GAB2: variants seen among roughly 807,000 people sequenced by gnomAD.
GAB2 encodes GRB2-associated-binding protein 2.
GAB2 carries 26 observed loss-of-function variants against 65.5 expected under a neutral mutation model. The observed-to-expected ratio is 0.40, with a 90% CI of 0.29 to 0.55. GAB2 has a LOEUF of 0.55. GAB2 is among the 20% of genes least tolerant of loss of function. The pLI is 0.53. For missense variants in GAB2, 884 were observed against 875.8 expected (o/e 1.01, Z -0.12); for synonymous variants, 321 against 329.6 (o/e 0.97, Z 0.28).
chr11:78,353,937 T>C (rs1856318695), intron 1 of GAB2, among the ~76,000 whole-genome samples: 1 of 152,250 alleles, frequency 6.6e-6, no homozygotes, highest in African/African-American at 2.4e-5. Context: ...GAAAGCTTGG[T>C]AAAACACAGA....
intron 1 of GAB2, among the ~76,000 whole-genome samples, chr11:78,297,417 A>G (rs958994785): frequency 6.6e-6 from 1 of 152,072 alleles, no homozygotes; most frequent in Non-Finnish European, 1.5e-5. Flanking sequence ...TTTTTTGGGG[A>G]AAAAAGTACA....
intron 3 of GAB2, among the ~76,000 whole-genome samples, chr11:78,245,920 T>C (rs865781315): frequency 2.6e-5 from 4 of 152,086 alleles, no homozygotes; most frequent in African/African-American, 9.6e-5. Context: ...ACTCCTTGGT[T>C]GGCAGAGGGT....
chr11:78,313,439 T>C (rs1855540384), intron 1 of GAB2, among the ~76,000 whole-genome samples: 1 of 152,210 alleles, frequency 6.6e-6, no homozygotes, highest in Non-Finnish European at 1.5e-5. Flanking sequence ...AACTGCAAGG[T>C]GCTTGATGCT....
intron 1 of GAB2, among the ~76,000 whole-genome samples, chr11:78,393,443 A>C (rs1856858639): frequency 6.6e-6 from 1 of 152,230 alleles, no homozygotes; most frequent in Non-Finnish European, 1.5e-5. Context: ...TAGCAATCAA[A>C]GAAATCCAAA....
intron 1 of GAB2, among the ~76,000 whole-genome samples, chr11:78,339,284 C>T (rs1231272972): frequency 6.6e-6 from 1 of 152,132 alleles, no homozygotes; most frequent in African/African-American, 2.4e-5. Context: ...TTCTTTCACA[C>T]TTGAAATCCA....
At position 78,229,378 on chromosome 11, in the gene GAB2, A is replaced by G. The variant is rs1001137049; in HGVS notation, c.621-2327T>C. On this transcript the variant is annotated intron_variant, in intron 3 of 9. Coordinates refer to ENST00000361507, the MANE Select transcript of GAB2 (RefSeq NM_080491.3). ...GAGAGAAGACACTGGAGGCCAGGCC[A>G]GGACTAAAGGGAACGGGGAGCCTCT... Among the ~76,000 whole-genome samples, 5 of 152,334 alleles carry G rather than the reference A, an allele frequency of 3.3e-5. No individual in the cohort carries two copies. The East Asian group carries it at 9.6e-4, about 29-fold the overall frequency.
chr11:78,277,005 G>A (rs1453079582), intron 2 of GAB2, among the ~76,000 whole-genome samples: 2 of 152,074 alleles, frequency 1.3e-5, no homozygotes, highest in African/African-American at 4.8e-5. Flanking sequence ...TTTTAGTAGA[G>A]ATGGGGTTTC....
intron 1 of GAB2, among the ~76,000 whole-genome samples, chr11:78,407,124 A>G (rs566150122): frequency 1.2e-4 from 18 of 152,278 alleles, no homozygotes; most frequent in African/African-American, 4.3e-4. Flanking sequence ...AAAAGATCTA[A>G]CAGTTTTGTC....
Position 78,223,566 on chromosome 11 carries a change from A to T in GAB2, c.1413T>A (p.Asn471Lys), listed in dbSNP as rs1165746977. ...TCATTGGGATGTAGACGCTCTGGGAATTATCACCTGCTCGTTCCATGGCCA... is the reference window on the plus strand; with the variant it reads ...TCATTGGGATGTAGACGCTCTGGGATTTATCACCTGCTCGTTCCATGGCCA... Reference protein sequence around the residue: ...TLLAMERAGDNSQSVYIPMSP... With the variant: ...TLLAMERAGDKSQSVYIPMSP... Residue 471 changes from asparagine to lysine, a missense_variant, in exon 6 of 10, where the codon AAT becomes AAA. Physicochemically the swap from Asn to Lys is moderately conservative, Grantham distance 94. Transcript: ENST00000361507. The T allele has an allele frequency of 1.6e-5, 26 of 1,613,770 alleles. No homozygotes were observed. The highest frequency in any genetic ancestry group is 2.1e-5 in the Non-Finnish European group (25 of 1,179,914).
intron 1 of GAB2, among the ~76,000 whole-genome samples, chr11:78,330,943 G>A (rs1406579892): frequency 6.6e-6 from 1 of 152,068 alleles, no homozygotes; most frequent in Non-Finnish European, 1.5e-5. Context: ...GGAGGCTGAG[G>A]TGGGCAGATC....
chr11:78,364,707 G>A (rs569067822), intron 1 of GAB2, among the ~76,000 whole-genome samples: 9 of 152,196 alleles, frequency 5.9e-5, no homozygotes, highest in Non-Finnish European at 7.4e-5. Flanking sequence ...TAGGCCTTGA[G>A]TTTGCTATAT....
At chr11:78,324,503 G>C (rs1855787862) in intron 1 of GAB2, among the ~76,000 whole-genome samples, 1 of 152,136 alleles carries the variant, frequency 6.6e-6, no homozygotes, top group South Asian at 2.1e-4. Flanking sequence ...AATGCCAAGG[G>C]AGTATAATGG....
chr11:78,228,207 T>A (rs774280783), intron 3 of GAB2, among the ~76,000 whole-genome samples: 4 of 152,192 alleles, frequency 2.6e-5, no homozygotes, highest in Non-Finnish European at 4.4e-5. Flanking sequence ...AAGAGTGGTT[T>A]TCAAACTAGA....
chr11:78,222,033 G>C (rs1864450439), intron 7 of GAB2, 72 bp downstream of exon 7: 1 of 982,604 alleles, frequency 1.0e-6, no homozygotes, highest in Non-Finnish European at 1.7e-6. Flanking sequence ...CGGCCCACAG[G>C]CCAGCTACCA....
rs919140116 is a variant in GAB2, at chr11:78,313,986, T to C, written c.76-33085A>G. 2.1e-4 allele frequency among the ~76,000 whole-genome samples: 32 copies of C among 152,158 alleles called. 1 individual carries two copies. Among genetic ancestry groups the C allele is most frequent in the Admixed American group, 1.8e-3 (27 of 15,276 alleles). ...AAAAGAAGACACAGTCTGAAAAACA[T>C]GGCAGAATTCTAAGTTCTAGTTCTA... On this transcript the variant is annotated intron_variant, in intron 1 of 9. Transcript: ENST00000361507.
intron 1 of GAB2, among the ~76,000 whole-genome samples, chr11:78,346,710 T>C (rs1167281692): frequency 1.2e-5 from 1 of 86,508 alleles, no homozygotes; most frequent in African/African-American, 7.0e-5. Context: ...TATATATATA[T>C]ATATATATAT....
At chr11:78,240,126 A>T (rs912020260) in intron 3 of GAB2, among the ~76,000 whole-genome samples, 1 of 152,136 alleles carries the variant, frequency 6.6e-6, no homozygotes, top group African/African-American at 2.4e-5. Flanking sequence ...TTGGCTGCTC[A>T]GAACAGTCAT....
At chr11:78,273,186 T>A (rs569384554) in intron 2 of GAB2, among the ~76,000 whole-genome samples, 1 of 152,186 alleles carries the variant, frequency 6.6e-6, no homozygotes, top group Non-Finnish European at 1.5e-5. Context: ...CACCGCCTAG[T>A]GGAGCTGTGA....
chr11:78,329,143 T>C (rs972669547), intron 1 of GAB2, among the ~76,000 whole-genome samples: 1 of 152,176 alleles, frequency 6.6e-6, no homozygotes, highest in Non-Finnish European at 1.5e-5. Context: ...GATAAATAGG[T>C]GTTAATTGTA....
Sources: gnomAD v4.1 joint callset for allele counts (sites outside exome capture counted in the v4.1 genomes callset) on GRCh38, gnomAD v4.1.1 for gene constraint, MANE v1.5 for transcripts, NCBI Gene and HGNC (gene_info 2026-07-23, HGNC 2026-07-21) for gene names.